Variants in KMT2C observed in about 807,000 individuals in gnomAD.
KMT2C encodes the protein histone-lysine N-methyltransferase 2C.
KMT2C carries 88 observed loss-of-function variants against 507.9 expected under a neutral mutation model. The observed-to-expected ratio is 0.17, with a 90% CI of 0.15 to 0.21. KMT2C has a LOEUF of 0.21. Ranked by LOEUF, KMT2C falls within the 10% of genes least tolerant of loss-of-function variation. KMT2C has a pLI of 1.00. For synonymous variants in KMT2C, 2,049 were observed against 2,080.8 expected, an observed-to-expected ratio of 0.98 and a Z score of 0.42; for missense variants, 4,954 against 5,957.8, an observed-to-expected ratio of 0.83 and a Z score of 5.55.
At chr7:152,434,630 C>T (rs1180901078) in intron 1 of KMT2C, among the ~76,000 whole-genome samples, 3 of 152,188 alleles carry the variant, frequency 2.0e-5, no homozygotes, top group Admixed American at 2.0e-4. Flanking sequence ...TCTACAACTT[C>T]GAGAGACATT....
chr7:152,151,682 A>G (rs1484222600), intron 49 of KMT2C, 101 bp from the exon 50 acceptor site: 16 of 817,754 alleles, frequency 2.0e-5, no homozygotes, highest in Non-Finnish European at 2.6e-5. Context: ...AACATGGTTC[A>G]TTAACATTAT....
intron 1 of KMT2C, among the ~76,000 whole-genome samples, chr7:152,373,320 C>G (rs1032480436): frequency 1.3e-5 from 2 of 152,188 alleles, no homozygotes; most frequent in Non-Finnish European, 2.9e-5. Context: ...GCACCCCCAA[C>G]ACCTAACAGC....
At chr7:152,346,898 G>A (rs951207595) in intron 2 of KMT2C, among the ~76,000 whole-genome samples, 101 of 152,140 alleles carry the variant, frequency 6.6e-4, no homozygotes, top group African/African-American at 2.3e-3. Context: ...AGGCCGAGGC[G>A]GGCGGATCAG....
chr7:152,221,073 C>T (rs1261485088), intron 22 of KMT2C, among the ~76,000 whole-genome samples: 4 of 152,102 alleles, frequency 2.6e-5, no homozygotes, highest in African/African-American at 9.7e-5. Context: ...CTGGCTAACA[C>T]AGTGAAACCC....
intron 32 of KMT2C, 105 bp from the exon 33 acceptor site, chr7:152,187,581 C>T: frequency 7.1e-7 from 1 of 1,416,620 alleles, no homozygotes; most frequent in Admixed American, 2.0e-5. Flanking sequence ...TTAAAAGTAA[C>T]ATATTTATAG....
chr7:152,423,774 C>A (rs1429177007), intron 1 of KMT2C, among the ~76,000 whole-genome samples: 2 of 152,042 alleles, frequency 1.3e-5, no homozygotes, highest in East Asian at 1.9e-4. Flanking sequence ...TAAGAATTGG[C>A]CCAGAAATAG....
chr7:152,239,668 G>A (rs925183766), intron 14 of KMT2C, among the ~76,000 whole-genome samples: 2 of 152,050 alleles, frequency 1.3e-5, no homozygotes, highest in African/African-American at 4.8e-5. Flanking sequence ...TGATGAAGAT[G>A]CTAAACAGCA....
intron 7 of KMT2C, among the ~76,000 whole-genome samples, chr7:152,270,100 T>C (rs1054226821): frequency 6.6e-6 from 1 of 152,146 alleles, no homozygotes; most frequent in African/African-American, 2.4e-5. Flanking sequence ...TCACACCCTA[T>C]CATCTGCCAA....
intron 6 of KMT2C, among the ~76,000 whole-genome samples, chr7:152,289,913 G>A (rs368692751): frequency 1.3e-5 from 2 of 151,724 alleles, no homozygotes; most frequent in South Asian, 2.1e-4. Flanking sequence ...TGGGCCTGGC[G>A]GTGCATGCCT....
chr7:152,148,744 C>A lies in KMT2C; in HGVS notation c.13183G>T (p.Val4395Leu), dbSNP rs1331659733. Reference sequence around the variant, plus strand: ...CAACATTTCCGATAGTCTTTGGGCACAGGATCAGGTTTAAGGGAAGTGCCC... The same window carrying A: ...CAACATTTCCGATAGTCTTTGGGCAAAGGATCAGGTTTAAGGGAAGTGCCC... ...KLGTSLKPDP[V>L]PKDYRKCCFC... The change falls in exon 52 of 59, where the codon GTG becomes TTG. Residue 4395 changes from valine to leucine, a missense_variant. Physicochemically the swap from Val to Leu is conservative, Grantham distance 32. Coordinates refer to ENST00000262189, the MANE Select transcript of KMT2C (RefSeq NM_170606.3). The surrounding 1 kb of genome is among the most constrained non-coding windows in gnomAD (Gnocchi z 7.1). 1 of 1,614,208 alleles carries A rather than the reference C, an allele frequency of 6.2e-7. No individual in the cohort carries two copies. Among genetic ancestry groups the A allele is most frequent in the African/African-American group, 1.3e-5 (1 of 75,054 alleles).
chr7:152,387,391 A>C (rs2097438866), intron 1 of KMT2C, among the ~76,000 whole-genome samples: 1 of 151,706 alleles, frequency 6.6e-6, no homozygotes, highest in Non-Finnish European at 1.5e-5. Context: ...TAATCACAAT[A>C]TACCTATGAA....
chr7:152,197,346 A>G (rs2093994385), intron 27 of KMT2C, among the ~76,000 whole-genome samples: 1 of 152,214 alleles, frequency 6.6e-6, no homozygotes, highest in Non-Finnish European at 1.5e-5. Flanking sequence ...TTCAGTAAAG[A>G]GAAACTGAAA....
chr7:152,409,736 A>C (rs541248215), intron 1 of KMT2C, among the ~76,000 whole-genome samples: 87 of 152,168 alleles, frequency 5.7e-4, no homozygotes, highest in Non-Finnish European at 7.8e-4. Flanking sequence ...GTCTCAAAAA[A>C]AATAAAATAA....
At chr7:152,364,959 AC>A (rs1277393964) in intron 1 of KMT2C, among the ~76,000 whole-genome samples, 2 of 151,984 alleles carry the variant, frequency 1.3e-5, no homozygotes, top group African/African-American at 4.8e-5. Context: ...ACACACACAC[AC>A]ACACACACAC....
At chr7:152,139,928 T>A in intron 55 of KMT2C, 137 bp from the exon 56 acceptor site, 2 of 664,018 alleles carry the variant, frequency 3.0e-6, no homozygotes, top group South Asian at 1.9e-5. Context: ...TTTTTGAATA[T>A]GCTATTTTCT....
chr7:152,368,750 C>T (rs1589507989), intron 1 of KMT2C: 1 of 895,354 alleles, frequency 1.1e-6, no homozygotes, highest in Non-Finnish European at 1.8e-6. Flanking sequence ...CAATATGCAC[C>T]AGTTTCATCC....
In KMT2C at chr7:152,375,843, T is replaced by C. The variant is rs140161896; in HGVS notation, c.162-17168A>G. ...GATATATATATATTTTTTCCTTTGG[T>C]TGAGAAAGGGTCTTGTTCTGTCACC... On this transcript the variant is annotated intron_variant, in intron 1 of 58. Transcript: ENST00000262189. Among the ~76,000 whole-genome samples the C allele has an allele frequency of 3.7e-3, 570 of 152,178 alleles. 1 individual carries two copies. Among genetic ancestry groups the C allele is most frequent in the Non-Finnish European group, 6.1e-3 (412 of 67,990 alleles).
chr7:152,330,826 T>G lies in KMT2C; in HGVS notation c.251-87A>C, dbSNP rs1196820233. ...GAATGTATCTATAAAGCATAGGTCA[T>G]AATGTAAAAAGAAACAACAAATAAC... On this transcript the variant is annotated intron_variant, in intron 2 of 58. Transcript: ENST00000262189. The G allele has an allele frequency of 6.4e-6, 8 of 1,240,416 alleles. No individual in the cohort carries two copies. The East Asian group carries it at 1.2e-4, about 18-fold the overall frequency. 76.8% of individuals were successfully genotyped at this position (1,240,416 alleles called of 1,614,324 possible).
intron 6 of KMT2C, among the ~76,000 whole-genome samples, chr7:152,300,650 A>T (rs946120050): frequency 6.6e-6 from 1 of 152,174 alleles, no homozygotes; most frequent in Admixed American, 6.5e-5. Flanking sequence ...AGCCATTACA[A>T]CCCTAAGCTG....
Sources: gnomAD v4.1 joint callset for allele counts (sites outside exome capture counted in the v4.1 genomes callset) on GRCh38, gnomAD v4.1.1 for gene constraint, Gnocchi (gnomAD v3.1) non-coding constraint, MANE v1.5 for transcripts, NCBI Gene and HGNC (gene_info 2026-07-23, HGNC 2026-07-21) for gene names.